DLAT: variants seen among roughly 807,000 people sequenced by gnomAD.
DLAT encodes the protein dihydrolipoyllysine-residue acetyltransferase component of pyruvate dehydrogenase complex, mitochondrial.
A neutral mutation model predicts 68.0 loss-of-function variants in DLAT; 43 were observed. That is an observed-to-expected ratio of 0.63 (90% CI 0.50 to 0.81). The LOEUF (loss-of-function observed/expected upper bound fraction) is 0.81. Among genes scored for constraint, DLAT ranks in the 40% least tolerant of loss-of-function variants. The pLI is 0.00. For synonymous variants in DLAT, 265 were observed against 288.6 expected (o/e 0.92, Z 0.83); for missense variants, 745 against 815.4 (o/e 0.91, Z 1.05).
At position 112,051,206 on chromosome 11, in the gene DLAT, GA is replaced by G. The variant is rs781932452; in HGVS notation, c.1399-25del. 2.1e-6 allele frequency: 3 copies of G among 1,429,624 alleles called. No homozygotes were observed. The South Asian group carries it at 3.6e-5, about 17-fold the overall frequency. The allele number at this position is 1,429,624 out of a possible 1,614,324, so 88.6% of individuals were successfully genotyped here. A position where few individuals can be genotyped will look rare whatever the true frequency, so the allele number is the denominator to read the frequency against. ...AATTAAAATTAAAATTAAAAAAGAA[GA>G]AACTACAGTTCTTCTTGTCTTTCCA... On this transcript the variant is annotated intron_variant, in intron 10 of 13. Transcript: ENST00000280346. The surrounding 1 kb of genome is among the most constrained non-coding windows in gnomAD (Gnocchi z 4.3).
chr11:112,050,838 T>G (rs1688945739), intron 10 of DLAT, among the ~76,000 whole-genome samples: 1 of 152,342 alleles, frequency 6.6e-6, no homozygotes, highest in Admixed American at 6.5e-5. Context: ...ATACTGTAAC[T>G]TATGGGATTA....
Position 112,037,449 on chromosome 11 carries a change from AC to A in DLAT, c.968del (p.Pro323HisfsTer14), listed in dbSNP as rs782086156. ...TDLKPQVPPP[T>X]PPPVAAVPPT... ...TTTAAAACCACAAGTGCCACCACCT[AC>A]CCCACCCCCGGTAGGTATGCTTCTA... is the stretch of plus-strand genomic sequence containing the variant. On this transcript the variant is annotated frameshift_variant, in exon 6 of 14. Transcript: ENST00000280346. LOFTEE classifies it high-confidence loss of function. 1 of 1,613,588 alleles carries A rather than the reference AC, an allele frequency of 6.2e-7. No homozygotes were observed. Among genetic ancestry groups the A allele is most frequent in the Non-Finnish European group, 8.5e-7 (1 of 1,179,636 alleles).
chr11:112,059,809 A>T, intron 11 of DLAT, 94 bp from the exon 12 acceptor site: 1 of 1,173,410 alleles, frequency 8.5e-7, no homozygotes, highest in Non-Finnish European at 1.2e-6. Context: ...TGGTTCAAAA[A>T]ATTTTTGAAG....
chr11:112,032,497 T>C (rs1368888283), intron 4 of DLAT: 1 of 152,196 alleles, frequency 6.6e-6, no homozygotes, highest in Admixed American at 6.5e-5. Context: ...AATGTTTTTT[T>C]TTTTAATATG....
At chr11:112,026,633 G>T (rs1219871946) in intron 2 of DLAT, among the ~76,000 whole-genome samples, 4 of 152,166 alleles carry the variant, frequency 2.6e-5, no homozygotes, top group Admixed American at 2.0e-4. Flanking sequence ...GAGAGCACAG[G>T]GTTGGGGGTA....
At chr11:112,062,313 G>C in intron 13 of DLAT, 93 bp from the exon 14 acceptor site, 3 of 1,358,604 alleles carry the variant, frequency 2.2e-6, no homozygotes, top group Non-Finnish European at 2.1e-6. Context: ...TACCTGGTTG[G>C]GATTATAGGG....
chr11:112,050,712 C>T (rs2137817471), intron 10 of DLAT, among the ~76,000 whole-genome samples: 1 of 152,298 alleles, frequency 6.6e-6, no homozygotes, highest in East Asian at 1.9e-4. Context: ...TTCTAGTCTT[C>T]TCTCCTCTTC....
At position 112,064,274 on chromosome 11, in the gene DLAT, AT is replaced by A. The variant is rs1864818846; in HGVS notation, c.*1741del. The A allele has an allele frequency of 4.1e-6, 6 of 1,454,208 alleles. No homozygotes were observed. In the African/African-American group the frequency reaches 7.1e-5, roughly 17 times the overall value. The allele number at this position is 1,454,208 out of a possible 1,614,324, so 90.1% of individuals were successfully genotyped here. A position where few individuals can be genotyped will look rare whatever the true frequency, so the allele number is the denominator to read the frequency against. ...TCTAATAAACATTGTTGAGTTAAAA[AT>A]TAATCTGAGCTATAATCTAAATCGA... On this transcript the variant is annotated 3_prime_UTR_variant, in exon 14 of 14. Coordinates refer to ENST00000280346, the MANE Select transcript of DLAT (RefSeq NM_001931.5).
intron 4 of DLAT, among the ~76,000 whole-genome samples, chr11:112,032,235 C>T (rs147263800): frequency 1.5e-3 from 222 of 149,976 alleles, no homozygotes; most frequent in Middle Eastern, 6.8e-3. Context: ...CACTGCACTC[C>T]AGGCTGGGCA....
intron 10 of DLAT, among the ~76,000 whole-genome samples, chr11:112,048,166 C>T (rs1050438224): frequency 2.2e-4 from 34 of 152,140 alleles, no homozygotes; most frequent in African/African-American, 7.7e-4. Context: ...TGTAGTTCTC[C>T]TTGAAGAGGT....
At chr11:112,026,916 C>T (rs587760443) in intron 2 of DLAT, among the ~76,000 whole-genome samples, 5 of 151,698 alleles carry the variant, frequency 3.3e-5, no homozygotes, top group African/African-American at 7.2e-5. Context: ...CCTCACCTCC[C>T]GGGCGGGGCA....
At position 112,028,858 on chromosome 11, in the gene DLAT, G is replaced by A. The variant is rs1484028379; in HGVS notation, c.573G>A (p.Ala191=). ...CCTCAGCAGCACCTACCCCACAAGC[G>A]GCCCCAGCACCAACCCCTGCTGCCA... The part of the protein sequence containing the change: ...LDSSAAPTPQ[A]APAPTPAATA... Residue 191 remains alanine, a synonymous_variant, in exon 4 of 14, where the codon GCG becomes GCA. Coordinates refer to ENST00000280346, the MANE Select transcript of DLAT (RefSeq NM_001931.5). 12 of 1,613,954 alleles carry A rather than the reference G, an allele frequency of 7.4e-6. No homozygotes were observed. The highest frequency in any genetic ancestry group is 1.3e-5 in the African/African-American group (1 of 74,900).
chr11:112,037,497 T>G (rs781947008), intron 6 of DLAT, 37 bp downstream of exon 6: 37 of 1,598,494 alleles, frequency 2.3e-5, no homozygotes, highest in Non-Finnish European at 3.2e-5. Context: ...ACACTTACCT[T>G]GTTCATCTCT....
chr11:112,045,319 G>A (rs1863252013), intron 9 of DLAT, 89 bp downstream of exon 9: 3 of 1,092,758 alleles, frequency 2.7e-6, no homozygotes, highest in Non-Finnish European at 4.2e-6. Context: ...CATTAACAGA[G>A]GCTTTTTAAG....
chr11:112,043,340 C>A, intron 7 of DLAT, 126 bp from the exon 8 acceptor site: 1 of 877,866 alleles, frequency 1.1e-6, no homozygotes, highest in Non-Finnish European at 2.0e-6. Flanking sequence ...AGGGTTAAGG[C>A]TGTGAACCTT....
At chr11:112,030,760 T>A (rs999284777) in intron 4 of DLAT, among the ~76,000 whole-genome samples, 1 of 152,254 alleles carries the variant, frequency 6.6e-6, no homozygotes, top group Non-Finnish European at 1.5e-5. Flanking sequence ...GCCGTCCTTT[T>A]CTAAATAATT....
chr11:112,061,341 A>T, intron 13 of DLAT, 167 bp downstream of exon 13: 1 of 687,240 alleles, frequency 1.5e-6, no homozygotes, highest in Middle Eastern at 2.6e-4. Flanking sequence ...TAACCTACAC[A>T]CATTATTCTG....
intron 4 of DLAT, among the ~76,000 whole-genome samples, chr11:112,031,733 C>T (rs1555179972): frequency 6.9e-6 from 1 of 145,600 alleles, no homozygotes; most frequent in African/African-American, 2.6e-5. Flanking sequence ...GCCACCATGC[C>T]CAGCTAATTT....
At chr11:112,027,092 C>T in intron 2 of DLAT, among the ~76,000 whole-genome samples, 1 of 151,998 alleles carries the variant, frequency 6.6e-6, no homozygotes, top group Non-Finnish European at 1.5e-5. Context: ...AGACGCTCCT[C>T]ACTTCCCAGA....
Sources: gnomAD v4.1 joint callset for allele counts (sites outside exome capture counted in the v4.1 genomes callset) on GRCh38, gnomAD v4.1.1 for gene constraint, Gnocchi (gnomAD v3.1) non-coding constraint, MANE v1.5 for transcripts, NCBI Gene and HGNC (gene_info 2026-07-23, HGNC 2026-07-21) for gene names.